The following MICAL2 variants were observed in gnomAD, a reference collection of about 807,000 sequenced individuals.
MICAL2 encodes microtubule associated monooxygenase, calponin and LIM domain containing 2, also known as [F-actin]-monooxygenase MICAL2.
MICAL2 carries 77 observed loss-of-function variants against 127.3 expected under a neutral mutation model. That is an observed-to-expected ratio of 0.60 (90% CI 0.50 to 0.73). MICAL2 has a LOEUF of 0.73. Ranked by LOEUF, MICAL2 falls within the 30% of genes least tolerant of loss-of-function variation. MICAL2 has a pLI of 0.00. For missense variants in MICAL2, 1,351 were observed against 1,434.4 expected, an observed-to-expected ratio of 0.94 and a Z score of 0.94; for synonymous variants, 570 against 551.1, an observed-to-expected ratio of 1.03 and a Z score of -0.48.
Position 12,221,735 on chromosome 11 carries a change from C to T in MICAL2, c.1298C>T (p.Pro433Leu). 1 of 1,613,550 alleles carries T rather than the reference C, an allele frequency of 6.2e-7. No individual in the cohort carries two copies. The part of the protein sequence containing the change: ...WMVKSWNQGT[P>L]PLELLAERES... ...GTGAAGAGCTGGAACCAGGGCACCCCTCCCCTGGAGCTGCTGGCTGAAAGG... is the reference window on the plus strand; with the variant it reads ...GTGAAGAGCTGGAACCAGGGCACCCTTCCCCTGGAGCTGCTGGCTGAAAGG... The change falls in exon 10 of 28, where the codon CCT becomes CTT. Residue 433 changes from proline to leucine, a missense_variant. This residue lies in a region of MICAL2 where 599 missense variants were observed against 714.9 expected (regional missense o/e 0.84). Coordinates refer to ENST00000683283, the MANE Select transcript of MICAL2 (RefSeq NM_001282663.2).
chr11:12,349,045 G>A (rs1238484479), intron 32 of MICAL2, among the ~76,000 whole-genome samples: 3 of 152,096 alleles, frequency 2.0e-5, no homozygotes, highest in Non-Finnish European at 4.4e-5. Context: ...TCTGCGTATG[G>A]GACCCTCCAG....
At chr11:12,259,683 G>A (rs1237082600) in intron 25 of MICAL2, 112 bp from the exon 26 acceptor site, 2 of 955,918 alleles carry the variant, frequency 2.1e-6, no homozygotes, top group Non-Finnish European at 1.5e-6. Context: ...AGATTATTGT[G>A]GGGGCTGGTT....
chr11:12,158,713 G>C (rs1490355125), intron 2 of MICAL2, among the ~76,000 whole-genome samples: 3 of 152,342 alleles, frequency 2.0e-5, no homozygotes, highest in African/African-American at 7.2e-5. Flanking sequence ...AGCATCTACA[G>C]ATTTTGGTAT....
intron 10 of MICAL2, 51 bp from the exon 11 acceptor site, chr11:12,222,566 G>A (rs1278080755): frequency 6.2e-7 from 1 of 1,612,322 alleles, no homozygotes; most frequent in African/African-American, 1.3e-5. Flanking sequence ...TGGGGACAAG[G>A]CCTGAGGTGG....
intron 3 of MICAL2, among the ~76,000 whole-genome samples, chr11:12,168,758 T>G (rs1855862955): frequency 6.6e-6 from 1 of 151,542 alleles, no homozygotes; most frequent in Admixed American, 6.6e-5. Context: ...ACCGGGCAAG[T>G]GGGACCAACA....
At chr11:12,347,444 A>G (rs540169467) in intron 32 of MICAL2, among the ~76,000 whole-genome samples, 1 of 152,346 alleles carries the variant, frequency 6.6e-6, no homozygotes, top group South Asian at 2.1e-4. Flanking sequence ...TATCTCCAGT[A>G]CCTAAGGCAA....
intron 3 of MICAL2, among the ~76,000 whole-genome samples, chr11:12,188,727 T>C (rs1361746196): frequency 6.6e-6 from 1 of 152,176 alleles, no homozygotes; most frequent in Non-Finnish European, 1.5e-5. Context: ...GCAGGTTATG[T>C]AACATTTCAG....
At position 12,228,174 on chromosome 11, in the gene MICAL2, C is replaced by CA. The variant is rs1195906009; in HGVS notation, c.1995+1049dup. Reference sequence around the variant, plus strand: ...TGAAACCCCGTATCTACTAAAAATACAAAAAATTAGCCAGGTGTGGTGACA... The same window carrying CA: ...TGAAACCCCGTATCTACTAAAAATACAAAAAAATTAGCCAGGTGTGGTGACA... On this transcript the variant is annotated intron_variant, in intron 15 of 27. Coordinates refer to ENST00000683283, the MANE Select transcript of MICAL2 (RefSeq NM_001282663.2). 2.0e-4 allele frequency among the ~76,000 whole-genome samples: 30 copies of CA among 152,192 alleles called. 1 individual carries two copies. The highest frequency in any genetic ancestry group is 1.9e-3 in the Admixed American group (29 of 15,274).
At chr11:12,230,310 T>G (rs765722208) in intron 15 of MICAL2, among the ~76,000 whole-genome samples, 1 of 152,164 alleles carries the variant, frequency 6.6e-6, no homozygotes, top group Non-Finnish European at 1.5e-5. Context: ...CACGTAAGAC[T>G]CTGAAATCCA....
chr11:12,263,806 T>C (rs773957348), downstream of MICAL2: 5 of 152,612 alleles, frequency 3.3e-5, no homozygotes, highest in Non-Finnish European at 7.3e-5. Context: ...TCCTCTCTTC[T>C]TTGCCGTGGA....
chr11:12,338,132 G>A (rs1297022185), intron 32 of MICAL2, among the ~76,000 whole-genome samples: 1 of 152,158 alleles, frequency 6.6e-6, no homozygotes, highest in African/African-American at 2.4e-5. Flanking sequence ...ATGAATCTGT[G>A]TGCTCCTGTA....
chr11:12,347,625 T>C (rs1221550708), intron 32 of MICAL2, among the ~76,000 whole-genome samples: 1 of 152,002 alleles, frequency 6.6e-6, no homozygotes, highest in Non-Finnish European at 1.5e-5. Context: ...AGAGAAAAAT[T>C]AAAATAATAC....
At chr11:12,242,132 G>A (rs1237650936) in intron 18 of MICAL2, 82 bp from the exon 19 acceptor site, 43 of 1,207,466 alleles carry the variant, frequency 3.6e-5, no homozygotes, top group Non-Finnish European at 4.4e-5. Context: ...TTTGTCTCTG[G>A]TCTTCATGGG....
chr11:12,215,996 A>G lies in MICAL2; in HGVS notation c.848-223A>G, dbSNP rs146492757. The stretch of plus-strand genomic sequence containing the variant: ...ACCCCTACAGACGTTGTGAGTTTTA[A>G]CAGGAATAATGCCGCTATAGAACTA... On this transcript the variant is annotated intron_variant, in intron 7 of 27. Coordinates refer to ENST00000683283, the MANE Select transcript of MICAL2 (RefSeq NM_001282663.2). Among the ~76,000 whole-genome samples the G allele has an allele frequency of 1.9e-3, 290 of 152,320 alleles. 2 individuals carry two copies. Among genetic ancestry groups the G allele is most frequent in the Non-Finnish European group, 3.0e-3 (201 of 68,030 alleles).
chr11:12,357,564 C>T (rs1250907238), intron 34 of MICAL2, among the ~76,000 whole-genome samples: 3 of 152,140 alleles, frequency 2.0e-5, no homozygotes, highest in East Asian at 1.9e-4. Flanking sequence ...TCTGGCTGGG[C>T]GCTGTGGTTC....
In MICAL2 at chr11:12,219,575, C is replaced by T. The variant is rs566026736; in HGVS notation, c.949-626C>T. On this transcript the variant is annotated intron_variant, in intron 8 of 27. Transcript: ENST00000683283. ...AAAAAAGCTACGCTGTGAGAGCCCT[C>T]GGCCCATCAAGTAAAGGGGTCACTG... Among the ~76,000 whole-genome samples the T allele has an allele frequency of 5.3e-5, 8 of 150,292 alleles. No homozygotes were observed. The South Asian group carries it at 1.1e-3, about 20-fold the overall frequency.
intron 3 of MICAL2, among the ~76,000 whole-genome samples, chr11:12,183,107 T>C (rs1857688473): frequency 1.3e-5 from 2 of 151,894 alleles, no homozygotes; most frequent in Admixed American, 1.3e-4. Context: ...TTCAGGAAGT[T>C]AGGAGTATGT....
Position 12,133,015 on chromosome 11 carries a change from T to C in MICAL2, c.-148-5375T>C, listed in dbSNP as rs543205902. ...CCATGCTGCAGGAGAGGTGGGTGGT[T>C]GTCAGCATATTTTGGTTCTTAGTTT... On this transcript the variant is annotated intron_variant, in intron 1 of 27. Coordinates refer to ENST00000683283, the MANE Select transcript of MICAL2 (RefSeq NM_001282663.2). Among the ~76,000 whole-genome samples, 205 of 152,336 alleles carry C rather than the reference T, an allele frequency of 1.3e-3. 2 individuals carry two copies. The highest frequency in any genetic ancestry group is 3.4e-3 in the Middle Eastern group (1 of 294).
At chr11:12,157,856 C>T (rs925154574) in intron 2 of MICAL2, among the ~76,000 whole-genome samples, 3 of 152,170 alleles carry the variant, frequency 2.0e-5, no homozygotes, top group African/African-American at 7.2e-5. Flanking sequence ...CCAGCACTGT[C>T]CTGAATTCTG....
Sources: gnomAD v4.1 joint callset for allele counts (sites outside exome capture counted in the v4.1 genomes callset) on GRCh38, gnomAD v4.1.1 for gene constraint, gnomAD v4.1.1 regional missense constraint, MANE v1.5 for transcripts, NCBI Gene and HGNC (gene_info 2026-07-23, HGNC 2026-07-21) for gene names.